DSCAML1: variants seen among roughly 807,000 people sequenced by gnomAD.
DSCAML1 encodes DS cell adhesion molecule like 1.
In DSCAML1, 38 loss-of-function variants were observed where a neutral mutation model predicts 200.5. The observed-to-expected ratio is 0.19, with a 90% CI of 0.15 to 0.25. The LOEUF is 0.25. Among genes scored for constraint, DSCAML1 ranks in the 10% least tolerant of loss-of-function variants. The probability of loss-of-function intolerance (pLI) is 1.00; values close to 1 mark genes in which losing one functional copy is unlikely to be tolerated. For missense variants in DSCAML1, 2,223 were observed against 2,858.8 expected, an observed-to-expected ratio of 0.78 and a Z score of 5.07; for synonymous variants, 1,215 against 1,165.0, an observed-to-expected ratio of 1.04 and a Z score of -0.87.
At chr11:117,461,904 C>G (rs2048490249) in intron 17 of DSCAML1, among the ~76,000 whole-genome samples, 1 of 152,156 alleles carries the variant, frequency 6.6e-6, no homozygotes, top group South Asian at 2.1e-4. Flanking sequence ...GGGCACGAGC[C>G]CCTAGGAATT....
In DSCAML1 at chr11:117,443,445, G is replaced by A. The variant is rs74338349; in HGVS notation, c.3862+441C>T. Reference sequence around the variant, plus strand: ...CTGCGGATCGCAGGAATCCGCCATCGCTGGAATCACCCCTGCCCGGTGTCC... The same window carrying A: ...CTGCGGATCGCAGGAATCCGCCATCACTGGAATCACCCCTGCCCGGTGTCC... On this transcript the variant is annotated intron_variant, in intron 21 of 32. Coordinates refer to ENST00000651296, the MANE Select transcript of DSCAML1 (RefSeq NM_020693.4). Among the ~76,000 whole-genome samples the A allele has an allele frequency of 5.4e-3, 819 of 152,352 alleles. 9 individuals carry two copies. The highest frequency in any genetic ancestry group is 0.018 in the African/African-American group (748 of 41,580).
chr11:117,816,768 C>A (rs567926587), intron 1 of DSCAML1, among the ~76,000 whole-genome samples: 7 of 144,860 alleles, frequency 4.8e-5, no homozygotes, highest in African/African-American at 1.8e-4. Context: ...CTTCCTTGCT[C>A]CCTGTACAAG....
chr11:117,741,831 C>G (rs974049075), intron 3 of DSCAML1, among the ~76,000 whole-genome samples: 1 of 152,184 alleles, frequency 6.6e-6, no homozygotes, highest in Non-Finnish European at 1.5e-5. Context: ...CTGAGGGATG[C>G]TGCATGGAGC....
Position 117,480,655 on chromosome 11 carries a change from C to T in DSCAML1, c.2657-84G>A. 4.7e-6 allele frequency: 7 copies of T among 1,502,036 alleles called. No homozygotes were observed. Among genetic ancestry groups the T allele is most frequent in the Non-Finnish European group, 6.3e-6 (7 of 1,113,214 alleles). 93.0% of individuals were successfully genotyped at this position (1,502,036 alleles called of 1,614,324 possible). On this transcript the variant is annotated intron_variant, in intron 13 of 32. Transcript: ENST00000651296. The surrounding 1 kb of genome is among the most constrained non-coding windows in gnomAD (Gnocchi z 4.1). ...TGCTTGGCCCTGAGGATTGGCATCA[C>T]CTGGGTCTAGCCAAGGACTCTGGCA...
chr11:117,717,586 G>A (rs1320302804), intron 3 of DSCAML1, among the ~76,000 whole-genome samples: 1 of 152,224 alleles, frequency 6.6e-6, no homozygotes, highest in East Asian at 1.9e-4. Context: ...GCGTGGGACA[G>A]GGTAAAGGCC....
intron 3 of DSCAML1, among the ~76,000 whole-genome samples, chr11:117,591,032 T>C (rs1463644596): frequency 1.3e-5 from 2 of 152,082 alleles, no homozygotes; most frequent in Non-Finnish European, 2.9e-5. Flanking sequence ...GAGTGATGGG[T>C]ATATGAGGTT....
intron 3 of DSCAML1, among the ~76,000 whole-genome samples, chr11:117,638,039 G>A (rs929500280): frequency 1.3e-5 from 2 of 152,284 alleles, no homozygotes; most frequent in African/African-American, 4.8e-5. Flanking sequence ...TTAGCTCTGT[G>A]GAGGTGGTTT....
intron 8 of DSCAML1, among the ~76,000 whole-genome samples, chr11:117,511,812 T>A (rs752936251): frequency 6.6e-6 from 1 of 152,254 alleles, no homozygotes; most frequent in Non-Finnish European, 1.5e-5. Context: ...TATGTGTAAC[T>A]GCTGGCATGC....
Position 117,671,547 on chromosome 11 carries a change from T to G in DSCAML1, c.511+105244A>C, listed in dbSNP as rs114365106. On this transcript the variant is annotated intron_variant, in intron 3 of 32. Transcript: ENST00000651296. ...GCAGGATAAGCCAATTACCAAAGGA[T>G]TGTGTTCCAAATGCAGCCTAACTGT... Among the ~76,000 whole-genome samples the G allele has an allele frequency of 1.9e-3, 293 of 152,308 alleles. 1 individual carries two copies. The highest frequency in any genetic ancestry group is 6.7e-3 in the African/African-American group (277 of 41,560).
intron 3 of DSCAML1, among the ~76,000 whole-genome samples, chr11:117,689,512 C>T (rs927693022): frequency 6.6e-5 from 10 of 152,314 alleles, no homozygotes; most frequent in South Asian, 4.1e-4. Context: ...GGGTATGAAA[C>T]GTGTTTCTGG....
At chr11:117,572,676 G>C (rs1300591271) in intron 3 of DSCAML1, among the ~76,000 whole-genome samples, 2 of 152,192 alleles carry the variant, frequency 1.3e-5, no homozygotes, top group African/African-American at 4.8e-5. Flanking sequence ...GGGGAGGCGG[G>C]GATATGCTAT....
At chr11:117,725,107 C>A (rs2054102168) in intron 3 of DSCAML1, among the ~76,000 whole-genome samples, 1 of 152,236 alleles carries the variant, frequency 6.6e-6, no homozygotes, top group Non-Finnish European at 1.5e-5. Flanking sequence ...CTTCCCCAAG[C>A]ACTTCCCTTG....
intron 3 of DSCAML1, among the ~76,000 whole-genome samples, chr11:117,610,652 C>A (rs1315764205): frequency 6.6e-6 from 1 of 151,858 alleles, no homozygotes; most frequent in Non-Finnish European, 1.5e-5. Flanking sequence ...TCCTTTTCTA[C>A]TTAAAATATC....
chr11:117,445,006 G>A (rs559686147), intron 20 of DSCAML1, among the ~76,000 whole-genome samples: 1 of 152,196 alleles, frequency 6.6e-6, no homozygotes, highest in Admixed American at 6.5e-5. Flanking sequence ...CCCGAGGCCA[G>A]AGGGAGCTAA....
At position 117,428,203 on chromosome 11, in the gene DSCAML1, T is replaced by C; in HGVS notation, c.*125A>G. 1 of 643,184 alleles carries C rather than the reference T, an allele frequency of 1.6e-6. No homozygotes were observed. Among genetic ancestry groups the C allele is most frequent in the East Asian group, 3.0e-5 (1 of 33,816 alleles). 39.8% of individuals were successfully genotyped at this position (643,184 alleles called of 1,614,324 possible). ...TGTACAGGCGTTCATGATTGGGGGT[T>C]TTTGTTTTGTCGTTGGTTGGTTTTT... On this transcript the variant is annotated 3_prime_UTR_variant, in exon 33 of 33. Transcript: ENST00000651296.
chr11:117,447,072 TGA>T (rs1465874324), intron 20 of DSCAML1, among the ~76,000 whole-genome samples: 1 of 152,144 alleles, frequency 6.6e-6, no homozygotes, highest in African/African-American at 2.4e-5. Flanking sequence ...GGCGGATCAC[TGA>T]GGTCAGGAGT....
chr11:117,627,943 C>G (rs1257961801), intron 3 of DSCAML1, among the ~76,000 whole-genome samples: 1 of 152,060 alleles, frequency 6.6e-6, no homozygotes, highest in East Asian at 1.9e-4. Context: ...GACCATGGGC[C>G]CCTATGCACC....
intron 3 of DSCAML1, among the ~76,000 whole-genome samples, chr11:117,747,843 G>A (rs1208175661): frequency 6.6e-6 from 1 of 152,180 alleles, no homozygotes; most frequent in Admixed American, 6.5e-5. Flanking sequence ...AGGGTCCAGG[G>A]GAACCTAAAT....
chr11:117,700,962 A>G (rs1239618799), intron 3 of DSCAML1, among the ~76,000 whole-genome samples: 2 of 152,124 alleles, frequency 1.3e-5, no homozygotes, highest in Non-Finnish European at 2.9e-5. Flanking sequence ...ACTTTCTCTT[A>G]TTTTTAAATT....
Sources: gnomAD v4.1 joint callset for allele counts (sites outside exome capture counted in the v4.1 genomes callset) on GRCh38, gnomAD v4.1.1 for gene constraint, Gnocchi (gnomAD v3.1) non-coding constraint, MANE v1.5 for transcripts, NCBI Gene and HGNC (gene_info 2026-07-23, HGNC 2026-07-21) for gene names.